CLSTN2: variants seen among roughly 807,000 people sequenced by gnomAD.
CLSTN2 encodes the protein calsyntenin 2, also known as calsyntenin-2.
In CLSTN2, 48 loss-of-function variants were observed where a neutral mutation model predicts 101.2. The observed-to-expected ratio is 0.47, with a 90% CI of 0.38 to 0.60. The LOEUF is 0.60. Ranked by LOEUF, CLSTN2 falls within the 20% of genes least tolerant of loss-of-function variation. The pLI, the probability that CLSTN2 is intolerant of heterozygous loss-of-function variation, is 0.00. For missense variants in CLSTN2, 1,160 were observed against 1,238.2 expected, an observed-to-expected ratio of 0.94 and a Z score of 0.95; for synonymous variants, 481 against 463.6, an observed-to-expected ratio of 1.04 and a Z score of -0.48.
chr3:140,548,212 C>A (rs750243597), intron 10 of CLSTN2, among the ~76,000 whole-genome samples: 1 of 152,194 alleles, frequency 6.6e-6, no homozygotes, highest in Non-Finnish European at 1.5e-5. Context: ...AGGCTAGTTT[C>A]TGAGATATGA....
At chr3:140,220,027 A>G (rs535577833) in intron 2 of CLSTN2, among the ~76,000 whole-genome samples, 1 of 152,364 alleles carries the variant, frequency 6.6e-6, no homozygotes, top group African/African-American at 2.4e-5. Context: ...GTCAACAACC[A>G]TAAATGGCAG....
intron 1 of CLSTN2, among the ~76,000 whole-genome samples, chr3:139,954,184 A>G (rs1935347170): frequency 6.6e-6 from 1 of 152,116 alleles, no homozygotes; most frequent in Admixed American, 6.5e-5. Context: ...TTTGTAGTAG[A>G]GTACTTGACA....
At chr3:140,558,197 G>A (rs1019525716) in intron 11 of CLSTN2, among the ~76,000 whole-genome samples, 20 of 152,228 alleles carry the variant, frequency 1.3e-4, no homozygotes, top group Admixed American at 8.5e-4. Context: ...AGGCACACGT[G>A]TGTGATATCC....
At chr3:139,994,512 T>G (rs1044344157) in intron 1 of CLSTN2, among the ~76,000 whole-genome samples, 1 of 152,206 alleles carries the variant, frequency 6.6e-6, no homozygotes. Context: ...TCTGTCTTTA[T>G]TATTCTTATA....
chr3:139,960,045 T>C (rs1935480108), intron 1 of CLSTN2, among the ~76,000 whole-genome samples: 2 of 152,174 alleles, frequency 1.3e-5, no homozygotes, highest in Non-Finnish European at 2.9e-5. Context: ...ACCTCCCAAA[T>C]CCACCTGGTT....
intron 2 of CLSTN2, among the ~76,000 whole-genome samples, chr3:140,240,614 A>G (rs1193709854): frequency 6.6e-6 from 1 of 152,136 alleles, no homozygotes; most frequent in African/African-American, 2.4e-5. Context: ...ACAGATGGAT[A>G]GCACTCTTAC....
Position 139,935,232 on chromosome 3 carries a change from C to T in CLSTN2, c.-143C>T, listed in dbSNP as rs971242904. 1.1e-5 allele frequency: 4 copies of T among 376,486 alleles called. No individual in the cohort carries two copies. The highest frequency in any genetic ancestry group is 1.8e-5 in the Non-Finnish European group (4 of 220,708). The allele number at this position is 376,486 out of a possible 1,614,324, so 23.3% of individuals were successfully genotyped here. ...GAGCTAGCGGCGCAGCGGCGGGAACCCGAGGCCGAGCGCCGCGGCGGCAGC... is the reference window on the plus strand; with the variant it reads ...GAGCTAGCGGCGCAGCGGCGGGAACTCGAGGCCGAGCGCCGCGGCGGCAGC... On this transcript the variant is annotated 5_prime_UTR_variant, in exon 1 of 17. Transcript: ENST00000458420. The surrounding 1 kb of genome is among the most constrained non-coding windows in gnomAD (Gnocchi z 5.5).
chr3:140,504,881 G>A (rs1934655646), intron 8 of CLSTN2, among the ~76,000 whole-genome samples: 1 of 151,844 alleles, frequency 6.6e-6, no homozygotes, highest in South Asian at 2.1e-4. Context: ...GAGTATTACT[G>A]GATTTCAATC....
At chr3:140,078,591 C>T (rs1280385432) in intron 1 of CLSTN2, among the ~76,000 whole-genome samples, 1 of 152,136 alleles carries the variant, frequency 6.6e-6, no homozygotes, top group Non-Finnish European at 1.5e-5. Flanking sequence ...TATGCTGACA[C>T]ACAAAAGAGG....
At chr3:140,070,236 G>T (rs1216769544) in intron 1 of CLSTN2, among the ~76,000 whole-genome samples, 2 of 152,192 alleles carry the variant, frequency 1.3e-5, no homozygotes, top group Non-Finnish European at 2.9e-5. Context: ...AATGAATGTT[G>T]ATCTTGAAGT....
intron 1 of CLSTN2, among the ~76,000 whole-genome samples, chr3:139,959,840 A>G (rs954102887): frequency 6.6e-6 from 1 of 152,082 alleles, no homozygotes; most frequent in African/African-American, 2.4e-5. Flanking sequence ...ACAGAATGTC[A>G]CTATCCACAA....
chr3:140,098,535 C>T (rs569990654), intron 1 of CLSTN2, among the ~76,000 whole-genome samples: 11 of 152,258 alleles, frequency 7.2e-5, no homozygotes, highest in African/African-American at 2.4e-4. Flanking sequence ...ACATTAATTG[C>T]TTAATCAAAA....
chr3:140,502,864 C>T (rs573078070), intron 8 of CLSTN2, among the ~76,000 whole-genome samples: 1 of 152,162 alleles, frequency 6.6e-6, no homozygotes, highest in Non-Finnish European at 1.5e-5. Context: ...ATATAATATA[C>T]CACATATGTA....
intron 1 of CLSTN2, among the ~76,000 whole-genome samples, chr3:139,950,192 A>G (rs1413554005): frequency 4.6e-5 from 7 of 152,220 alleles, no homozygotes; most frequent in Non-Finnish European, 1.0e-4. Flanking sequence ...ATGGGAATCC[A>G]TAAGGATAGG....
intron 2 of CLSTN2, among the ~76,000 whole-genome samples, chr3:140,198,123 A>G (rs1434415698): frequency 6.6e-6 from 1 of 152,196 alleles, no homozygotes; most frequent in African/African-American, 2.4e-5. Flanking sequence ...CTGCAATAGG[A>G]AAAATGTCTT....
chr3:139,991,139 G>A (rs1346315432), intron 1 of CLSTN2, among the ~76,000 whole-genome samples: 2 of 152,188 alleles, frequency 1.3e-5, no homozygotes, highest in African/African-American at 4.8e-5. Context: ...TACAGGTGCT[G>A]TGTTGATGGA....
intron 2 of CLSTN2, among the ~76,000 whole-genome samples, chr3:140,269,388 A>G (rs142014974): frequency 1.3e-5 from 2 of 152,318 alleles, no homozygotes; most frequent in East Asian, 3.9e-4. Flanking sequence ...GTTTCATTTC[A>G]CCTTTCTCCT....
At chr3:140,118,515 T>C (rs1470602708) in intron 1 of CLSTN2, among the ~76,000 whole-genome samples, 1 of 152,138 alleles carries the variant, frequency 6.6e-6, no homozygotes. Flanking sequence ...AAAAGAGTTT[T>C]CTTTCACTGT....
At chr3:140,447,008 C>T (rs577804796) in intron 5 of CLSTN2, among the ~76,000 whole-genome samples, 6 of 152,268 alleles carry the variant, frequency 3.9e-5, no homozygotes, top group East Asian at 1.9e-4. Context: ...TGAACAAAGC[C>T]GTCTGGCTAG....
Sources: gnomAD v4.1 joint callset for allele counts (sites outside exome capture counted in the v4.1 genomes callset) on GRCh38, gnomAD v4.1.1 for gene constraint, Gnocchi (gnomAD v3.1) non-coding constraint, MANE v1.5 for transcripts, NCBI Gene and HGNC (gene_info 2026-07-23, HGNC 2026-07-21) for gene names.